Variants in MAPRE1 observed in about 807,000 individuals in gnomAD.
MAPRE1 encodes the protein microtubule-associated protein RP/EB family member 1.
MAPRE1 carries 5 observed loss-of-function variants against 32.1 expected under a neutral mutation model. That is an observed-to-expected ratio of 0.16 (90% CI 0.08 to 0.33). The LOEUF is 0.33. Ranked by LOEUF, MAPRE1 falls within the 10% of genes least tolerant of loss-of-function variation. The pLI is 1.00. For synonymous variants in MAPRE1, 122 were observed against 118.9 expected, an observed-to-expected ratio of 1.03 and a Z score of -0.17; for missense variants, 209 against 327.2, an observed-to-expected ratio of 0.64 and a Z score of 2.79.
intron 5 of MAPRE1, among the ~76,000 whole-genome samples, chr20:32,841,209 G>A (rs928446006): frequency 1.3e-5 from 2 of 152,234 alleles, no homozygotes; most frequent in African/African-American, 4.8e-5. Flanking sequence ...CTCATCCTTG[G>A]AGTGGGTGTG....
At chr20:32,835,364 G>GTTTTTTTTTTGT (rs1983162908) in intron 3 of MAPRE1, among the ~76,000 whole-genome samples, 1 of 106,658 alleles carries the variant, frequency 9.4e-6, no homozygotes, top group Non-Finnish European at 1.7e-5. Context: ...TTTTATTGGT[G>GTTTTTTTTTTGT]TTTTTTTTTT....
chr20:32,839,746 C>G lies in MAPRE1; in HGVS notation c.487C>G (p.Pro163Ala). The G allele has an allele frequency of 6.2e-7, 1 of 1,614,152 alleles. No individual in the cohort carries two copies. The highest frequency in any genetic ancestry group is 8.5e-7 in the Non-Finnish European group (1 of 1,180,006). ...LTSSSAAPQRPISTQRTAAAP... is the reference protein window; with the variant it reads ...LTSSSAAPQRAISTQRTAAAP... ...GCTCTCTTTTTCAGCTCCCCAGAGGCCCATCTCAACACAGAGAACCGCTGC... is the reference window on the plus strand; with the variant it reads ...GCTCTCTTTTTCAGCTCCCCAGAGGGCCATCTCAACACAGAGAACCGCTGC... Residue 163 changes from proline to alanine, a missense_variant, in exon 5 of 7, where the codon CCC becomes GCC. Physicochemically the swap from Pro to Ala is conservative, Grantham distance 27. This residue lies in a region of MAPRE1 where 106 missense variants were observed against 115.3 expected (regional missense o/e 0.92). Transcript: ENST00000375571.
At chr20:32,829,562 T>G (rs563045838) in intron 2 of MAPRE1, among the ~76,000 whole-genome samples, 1 of 152,304 alleles carries the variant, frequency 6.6e-6, no homozygotes, top group East Asian at 1.9e-4. Flanking sequence ...TCCAGGAGCT[T>G]TTGATGCTGG....
intron 3 of MAPRE1, among the ~76,000 whole-genome samples, chr20:32,835,225 TA>T (rs1983154408): frequency 6.6e-6 from 1 of 152,106 alleles, no homozygotes; most frequent in Admixed American, 6.5e-5. Flanking sequence ...ACCCCATCTC[TA>T]AAAAAGATTA....
intron 1 of MAPRE1, among the ~76,000 whole-genome samples, chr20:32,821,514 C>T (rs3827027): frequency 0.045 from 6,864 of 152,278 alleles, 184 homozygotes; most frequent in East Asian, 0.075. Context: ...AAGTGCCTAG[C>T]ACAGTTTTTG....
chr20:32,826,943 G>A (rs1222860793), intron 2 of MAPRE1, among the ~76,000 whole-genome samples: 1 of 152,150 alleles, frequency 6.6e-6, no homozygotes, highest in Non-Finnish European at 1.5e-5. Context: ...CATCCAGATT[G>A]CATGTTTTAT....
rs1209678271 is a variant in MAPRE1, at chr20:32,846,761, T to C, written c.741T>C (p.Tyr247=). 6 of 1,614,204 alleles carry C rather than the reference T, an allele frequency of 3.7e-6. No individual in the cohort carries two copies. Among genetic ancestry groups the C allele is most frequent in the South Asian group, 1.1e-5 (1 of 91,088 alleles). The change falls in exon 6 of 7, where the codon TAT becomes TAC. Residue 247 remains tyrosine (Y), a synonymous_variant. Transcript: ENST00000375571. ...PVLQRIVDIL[Y]ATDEGFVIPD... Reference sequence around the variant, plus strand: ...TGCAGAGGATTGTAGACATTCTGTATGCCACAGATGTATGTGTTTGACATG... The same window carrying C: ...TGCAGAGGATTGTAGACATTCTGTACGCCACAGATGTATGTGTTTGACATG...
intron 1 of MAPRE1, among the ~76,000 whole-genome samples, chr20:32,825,238 T>G (rs965767197): frequency 6.6e-6 from 1 of 152,150 alleles, no homozygotes; most frequent in African/African-American, 2.4e-5. Flanking sequence ...TGGGTAACTT[T>G]GGGCTGATGT....
chr20:32,824,905 A>T (rs2146120993), intron 1 of MAPRE1, among the ~76,000 whole-genome samples: 1 of 151,928 alleles, frequency 6.6e-6, no homozygotes, highest in South Asian at 2.1e-4. Flanking sequence ...TAATCCCAGC[A>T]CTTTGGGAGG....
intron 5 of MAPRE1, among the ~76,000 whole-genome samples, chr20:32,841,269 G>A (rs964224660): frequency 1.1e-4 from 16 of 152,162 alleles, no homozygotes; most frequent in African/African-American, 3.4e-4. Flanking sequence ...CAGAAGCCTC[G>A]GAGAACAAGG....
intron 4 of MAPRE1, 74 bp from the exon 5 acceptor site, chr20:32,839,661 A>G (rs1055740174): frequency 4.4e-6 from 7 of 1,586,886 alleles, no homozygotes; most frequent in African/African-American, 4.1e-5. Flanking sequence ...CAGCTTCTCC[A>G]TGTTGTCTTG....
intron 5 of MAPRE1, among the ~76,000 whole-genome samples, 156 bp from the exon 6 acceptor site, chr20:32,846,462 A>C (rs747518249): frequency 2.0e-5 from 3 of 152,196 alleles, no homozygotes; most frequent in Admixed American, 6.5e-5. Context: ...CATGTTGTTT[A>C]TCTGAGGCTG....
chr20:32,827,723 C>T (rs191918324), intron 2 of MAPRE1, among the ~76,000 whole-genome samples: 2 of 151,820 alleles, frequency 1.3e-5, no homozygotes, highest in East Asian at 1.9e-4. Flanking sequence ...AGTGAAGCCC[C>T]GTCTCTGCTA....
chr20:32,846,584 C>G (rs780992343), intron 5 of MAPRE1, 34 bp from the exon 6 acceptor site: 1 of 1,606,736 alleles, frequency 6.2e-7, no homozygotes, highest in Non-Finnish European at 8.5e-7. Context: ...CATACTAATG[C>G]CAAGCATCTC....
At chr20:32,841,967 G>GTA (rs998621111) in intron 5 of MAPRE1, among the ~76,000 whole-genome samples, 1 of 151,676 alleles carries the variant, frequency 6.6e-6, no homozygotes, top group African/African-American at 2.4e-5. Flanking sequence ...TCTTGATAGA[G>GTA]TAGAATAATG....
chr20:32,821,174 C>T lies in MAPRE1; in HGVS notation c.-4+1146C>T, dbSNP rs943561058. Among the ~76,000 whole-genome samples, 26 of 152,292 alleles carry T rather than the reference C, an allele frequency of 1.7e-4. No homozygotes were observed. The East Asian group carries it at 3.1e-3, about 18-fold the overall frequency. On this transcript the variant is annotated intron_variant, in intron 1 of 6. Transcript: ENST00000375571. ...GGGATTACAGGCGCGCGCCACCAAG[C>T]CCGGCTAATTGTTGTATTTTTTAGT...
intron 3 of MAPRE1, among the ~76,000 whole-genome samples, chr20:32,835,364 GT>G (rs71190879): frequency 0.029 from 3,144 of 106,626 alleles, 95 homozygotes; most frequent in Middle Eastern, 0.094. Flanking sequence ...TTTTATTGGT[GT>G]TTTTTTTTTT....
intron 6 of MAPRE1, among the ~76,000 whole-genome samples, 183 bp from the exon 7 acceptor site, chr20:32,848,489 T>C (rs1027968155): frequency 6.6e-6 from 1 of 152,228 alleles, no homozygotes; most frequent in Non-Finnish European, 1.5e-5. Flanking sequence ...TAAATTTGAC[T>C]GTGCTCAGTT....
chr20:32,827,417 G>A (rs1982886705), intron 2 of MAPRE1, among the ~76,000 whole-genome samples: 1 of 151,174 alleles, frequency 6.6e-6, no homozygotes, highest in East Asian at 2.0e-4. Flanking sequence ...TCAAAAAAAT[G>A]AAAAATAAGT....
Sources: allele counts gnomAD v4.1 joint callset (sites outside exome capture counted in the v4.1 genomes callset), GRCh38; gene constraint gnomAD v4.1.1; regional missense constraint gnomAD v4.1.1; transcripts MANE v1.5; gene names NCBI Gene and HGNC (gene_info 2026-07-23, HGNC 2026-07-21).